XRCC1: variants seen among roughly 807,000 people sequenced by gnomAD.
XRCC1 encodes DNA repair protein XRCC1.
XRCC1 carries 52 observed loss-of-function variants against 83.3 expected under a neutral mutation model. That is an observed-to-expected ratio of 0.62 (90% CI 0.50 to 0.79). The LOEUF (loss-of-function observed/expected upper bound fraction) is 0.79, where lower values mean the gene tolerates loss of function less well. XRCC1 is among the 30% of genes least tolerant of loss of function. XRCC1 has a pLI of 0.00. For synonymous variants in XRCC1, 281 were observed against 312.6 expected (o/e 0.90, Z 1.07); for missense variants, 793 against 823.5 (o/e 0.96, Z 0.45).
At chr19:43,569,726 G>A (rs1322237985) in intron 2 of XRCC1, among the ~76,000 whole-genome samples, 1 of 152,004 alleles carries the variant, frequency 6.6e-6, no homozygotes, top group Non-Finnish European at 1.5e-5. Flanking sequence ...AGGTTGCAGT[G>A]AGCTGAGATT....
In XRCC1 at chr19:43,546,707, C is replaced by A. The variant is rs369052406; in HGVS notation, c.1314G>T (p.Lys438Asn). The change falls in exon 12 of 17, where the codon AAG (lysine) becomes AAT (asparagine). Residue 438 changes from lysine (K) to asparagine (N), a missense_variant. Transcript: ENST00000262887. The stretch of plus-strand genomic sequence containing the variant: ...AGCTGGGTCCAGCTGCCTGAGTGGG[C>A]TTGGTTTTGGTCTGGGGTTGCTAAG... ...LPQKQPQTKT[K>N]PTQAAGPSSP... The A allele has an allele frequency of 2.3e-5, 37 of 1,609,224 alleles. No individual in the cohort carries two copies. Among genetic ancestry groups the A allele is most frequent in the Non-Finnish European group, 3.1e-5 (37 of 1,178,460 alleles).
At chr19:43,555,587 G>T (rs956272792) in intron 3 of XRCC1, 2 of 152,194 alleles carry the variant, frequency 1.3e-5, no homozygotes, top group African/African-American at 2.4e-5. Flanking sequence ...CTCCTCAAAC[G>T]ATCTGAATTT....
At chr19:43,547,824 T>C (rs986397182) in intron 10 of XRCC1, among the ~76,000 whole-genome samples, 1 of 152,066 alleles carries the variant, frequency 6.6e-6, no homozygotes, top group African/African-American at 2.4e-5. Context: ...GGGGAAGAAA[T>C]GTCTCAATTC....
Position 43,543,382 on chromosome 19 carries a change from A to T in XRCC1, c.*10T>A. On this transcript the variant is annotated 3_prime_UTR_variant, in exon 17 of 17. Transcript: ENST00000262887. ...TGTGTGTGTGTGTGTGTGTGTGTATAGCACATACTTCAGGCTTGCGGCACC... is the reference window on the plus strand; with the variant it reads ...TGTGTGTGTGTGTGTGTGTGTGTATTGCACATACTTCAGGCTTGCGGCACC... 1 of 1,486,666 alleles carries T rather than the reference A, an allele frequency of 6.7e-7. No individual in the cohort carries two copies. Among genetic ancestry groups the T allele is most frequent in the Non-Finnish European group, 9.2e-7 (1 of 1,084,174 alleles). 92.1% of individuals were successfully genotyped at this position (1,486,666 alleles called of 1,614,324 possible).
At chr19:43,569,175 T>C (rs897837888) in intron 2 of XRCC1, among the ~76,000 whole-genome samples, 27 of 151,846 alleles carry the variant, frequency 1.8e-4, no homozygotes, top group African/African-American at 6.1e-4. Context: ...CAGAATACTA[T>C]ACAGAAATGA....
intron 11 of XRCC1, 77 bp downstream of exon 11, chr19:43,546,807 G>A: frequency 1.9e-6 from 3 of 1,597,352 alleles, no homozygotes; most frequent in Non-Finnish European, 2.6e-6. Context: ...AGGCAAGAGT[G>A]GGAAGTTTGG....
At chr19:43,568,305 T>G (rs556383026) in intron 2 of XRCC1, among the ~76,000 whole-genome samples, 8 of 152,098 alleles carry the variant, frequency 5.3e-5, no homozygotes, top group Non-Finnish European at 1.0e-4. Flanking sequence ...AAGACCAGCC[T>G]GGCTAACATG....
chr19:43,557,093 G>C (rs184073979), intron 3 of XRCC1, among the ~76,000 whole-genome samples: 188 of 152,004 alleles, frequency 1.2e-3, no homozygotes, highest in African/African-American at 4.2e-3. Context: ...CAAATCACGA[G>C]GTCAGGAGAT....
rs774848971 is a variant in XRCC1 at position 43,551,630 on chromosome 19, G to A, written c.1140C>T (p.Ile380=). Reference sequence around the variant, plus strand: ...AGTCCAGCACCCACTCCTTACGCACGATGCGGCCTCCCAGGCCTAGGACCT... The same window carrying A: ...AGTCCAGCACCCACTCCTTACGCACAATGCGGCCTCCCAGGCCTAGGACCT... The part of the protein sequence containing the change: ...YSQVLGLGGR[I]VRKEWVLDCH... Residue 380 remains isoleucine (I), a synonymous_variant, in exon 10 of 17, where the codon ATC becomes ATT. Transcript: ENST00000262887. 1.9e-5 allele frequency: 30 copies of A among 1,614,102 alleles called. No individual in the cohort carries two copies. The highest frequency in any genetic ancestry group is 2.3e-5 in the Non-Finnish European group (27 of 1,180,048).
Position 43,553,112 on chromosome 19 carries a change from T to G in XRCC1, c.602-21A>C, listed in dbSNP as rs772158978. 16 of 1,553,438 alleles carry G rather than the reference T, an allele frequency of 1.0e-5. 1 individual carries two copies. The South Asian group carries it at 1.9e-4, about 18-fold the overall frequency. ...TGTGACTATGAAGGGAGAAAGTGGA[T>G]CCAGGATGAGAGGGCTGAGCCCCAA... On this transcript the variant is annotated intron_variant, in intron 6 of 16. Coordinates refer to ENST00000262887, the MANE Select transcript of XRCC1 (RefSeq NM_006297.3).
At chr19:43,559,353 C>G (rs1043893153) in intron 3 of XRCC1, among the ~76,000 whole-genome samples, 12 of 150,706 alleles carry the variant, frequency 8.0e-5, no homozygotes, top group African/African-American at 1.5e-4. Flanking sequence ...CATGGTGGCA[C>G]GTGCCTGTAG....
intron 10 of XRCC1, among the ~76,000 whole-genome samples, chr19:43,548,766 CA>C (rs60740505): frequency 0.051 from 3,297 of 64,516 alleles, 112 homozygotes; most frequent in African/African-American, 0.1. Flanking sequence ...CAAGAATGAT[CA>C]AAAAAAAAAA....
intron 11 of XRCC1, 51 bp from the exon 12 acceptor site, chr19:43,546,778 T>C: frequency 2.5e-6 from 4 of 1,594,284 alleles, no homozygotes; most frequent in South Asian, 1.1e-5. Flanking sequence ...TGTGGGTGTG[T>C]TGGGGGGGTA....
chr19:43,546,821 G>C, intron 11 of XRCC1, 63 bp downstream of exon 11: 1 of 1,599,912 alleles, frequency 6.3e-7, no homozygotes, highest in Non-Finnish European at 8.5e-7. Context: ...AGTTTGGGGT[G>C]CCACAGCGGA....
intron 3 of XRCC1, among the ~76,000 whole-genome samples, chr19:43,558,067 T>G (rs1335434429): frequency 6.6e-6 from 1 of 152,214 alleles, no homozygotes; most frequent in Non-Finnish European, 1.5e-5. Context: ...TGACCTTCAC[T>G]TACTAAACCT....
intron 2 of XRCC1, among the ~76,000 whole-genome samples, chr19:43,569,673 T>C (rs1972788895): frequency 6.6e-6 from 1 of 151,974 alleles, no homozygotes; most frequent in South Asian, 2.1e-4. Context: ...TCCCAGCTAC[T>C]TGGGAGGCTG....
intron 12 of XRCC1, 90 bp downstream of exon 12, chr19:43,546,505 C>T (rs1179592502): frequency 6.9e-7 from 1 of 1,449,556 alleles, no homozygotes. Context: ...CCCAGCCCCT[C>T]CTCCCTCAGA....
chr19:43,556,338 C>G (rs1226624417), intron 3 of XRCC1, among the ~76,000 whole-genome samples: 1 of 152,182 alleles, frequency 6.6e-6, no homozygotes, highest in Non-Finnish European at 1.5e-5. Context: ...ACACTAGTTA[C>G]ATGAAGGGGA....
At chr19:43,550,603 TCA>T in intron 10 of XRCC1, among the ~76,000 whole-genome samples, 2 of 152,296 alleles carry the variant, frequency 1.3e-5, no homozygotes, top group East Asian at 3.9e-4. Flanking sequence ...TTCATGGACC[TCA>T]GATATGAGCT....
Sources: gnomAD v4.1 joint callset for allele counts (sites outside exome capture counted in the v4.1 genomes callset) on GRCh38, gnomAD v4.1.1 for gene constraint, MANE v1.5 for transcripts, NCBI Gene and HGNC (gene_info 2026-07-23, HGNC 2026-07-21) for gene names.